The following WNK1 variants were observed in gnomAD, a reference collection of about 807,000 sequenced individuals.
The protein encoded by WNK1 is serine/threonine-protein kinase WNK1.
A neutral mutation model predicts 222.8 loss-of-function variants in WNK1; 38 were observed. The observed-to-expected ratio is 0.17, with a 90% CI of 0.13 to 0.22. WNK1 has a LOEUF of 0.22. Among genes scored for constraint, WNK1 ranks in the 10% least tolerant of loss-of-function variants. The pLI, the probability that WNK1 is intolerant of heterozygous loss-of-function variation, is 1.00. For synonymous variants in WNK1, 1,090 were observed against 1,092.9 expected (o/e 1.00, Z 0.05); for missense variants, 2,348 against 2,918.4 (o/e 0.80, Z 4.50).
chr12:876,131 G>A (rs1952584105), intron 9 of WNK1, among the ~76,000 whole-genome samples: 4 of 152,106 alleles, frequency 2.6e-5, no homozygotes, highest in South Asian at 2.1e-4. Flanking sequence ...ATCAGAGGCC[G>A]GGGCGCGGTG....
chr12:859,841 G>A (rs898792653), intron 6 of WNK1, among the ~76,000 whole-genome samples: 2 of 151,518 alleles, frequency 1.3e-5, no homozygotes, highest in Non-Finnish European at 2.9e-5. Context: ...TTAGCCTGCC[G>A]AGAAGCTGGG....
At chr12:793,503 A>G (rs901569115) in intron 1 of WNK1, among the ~76,000 whole-genome samples, 2 of 152,178 alleles carry the variant, frequency 1.3e-5, no homozygotes, top group Non-Finnish European at 2.9e-5. Context: ...CCAAATGAAA[A>G]GACAGGTTGA....
rs367824180 is a variant in WNK1 at position 896,739 on chromosome 12, A to C, written c.6245+7A>C. 6.2e-7 allele frequency: 1 copy of C among 1,609,190 alleles called. No individual in the cohort carries two copies. Among genetic ancestry groups the C allele is most frequent in the Non-Finnish European group, 8.5e-7 (1 of 1,179,430 alleles). ...TGCGACGACTACGAGATAAGTAAGTATATTTTCTCTTGTGAAAGAATGTCA... is the reference window on the plus strand; with the variant it reads ...TGCGACGACTACGAGATAAGTAAGTCTATTTTCTCTTGTGAAAGAATGTCA... On this transcript the variant is annotated splice_region_variant and intron_variant, in intron 24 of 27. Transcript: ENST00000315939.
At chr12:862,446 A>G (rs1315620489) in intron 8 of WNK1, among the ~76,000 whole-genome samples, 176 bp downstream of exon 8, 1 of 152,258 alleles carries the variant, frequency 6.6e-6, no homozygotes, top group Non-Finnish European at 1.5e-5. Context: ...TGTGGGCATT[A>G]GCTGAACTGC....
chr12:831,081 G>A (rs1426056888), intron 4 of WNK1, among the ~76,000 whole-genome samples: 1 of 152,126 alleles, frequency 6.6e-6, no homozygotes, highest in Non-Finnish European at 1.5e-5. Flanking sequence ...ATTTCTGTAA[G>A]GAGAAGTTTA....
chr12:886,918 A>G (rs1953713184), intron 19 of WNK1, among the ~76,000 whole-genome samples: 1 of 152,194 alleles, frequency 6.6e-6, no homozygotes, highest in Admixed American at 6.5e-5. Flanking sequence ...GTAGCTCAAG[A>G]ATATCTGGAC....
intron 1 of WNK1, among the ~76,000 whole-genome samples, chr12:761,771 T>C (rs1301238217): frequency 6.8e-6 from 1 of 147,862 alleles, no homozygotes; most frequent in Non-Finnish European, 1.5e-5. Flanking sequence ...TCTCCTTCCA[T>C]GGACTGGTAG....
intron 4 of WNK1, among the ~76,000 whole-genome samples, chr12:831,348 G>A (rs1052608264): frequency 6.6e-6 from 1 of 151,958 alleles, no homozygotes; most frequent in African/African-American, 2.4e-5. Flanking sequence ...GACTAGACTG[G>A]CCAACATGGT....
chr12:883,213 T>G (rs1251009468), intron 15 of WNK1, among the ~76,000 whole-genome samples, 154 bp downstream of exon 15: 1 of 152,250 alleles, frequency 6.6e-6, no homozygotes, highest in Non-Finnish European at 1.5e-5. Flanking sequence ...ACCTGTGATT[T>G]AGTGATGTTT....
intron 1 of WNK1, among the ~76,000 whole-genome samples, chr12:767,275 C>T (rs1260773488): frequency 1.1e-5 from 1 of 92,052 alleles, no homozygotes; most frequent in East Asian, 3.2e-4. Context: ...TTTTTGGAGA[C>T]AGAGTCTTGC....
chr12:789,250 C>G (rs1944613145), intron 1 of WNK1, among the ~76,000 whole-genome samples: 1 of 152,150 alleles, frequency 6.6e-6, no homozygotes, highest in South Asian at 2.1e-4. Context: ...GTAAAAGTTA[C>G]AGTCTGAAGT....
At chr12:789,963 A>G (rs1046265002) in intron 1 of WNK1, among the ~76,000 whole-genome samples, 6 of 152,222 alleles carry the variant, frequency 3.9e-5, no homozygotes, top group African/African-American at 7.2e-5. Context: ...GTCTAGATCA[A>G]ATACTGAAAA....
At chr12:814,187 G>T (rs1947141180) in intron 2 of WNK1, among the ~76,000 whole-genome samples, 1 of 151,914 alleles carries the variant, frequency 6.6e-6, no homozygotes, top group African/African-American at 2.4e-5. Flanking sequence ...AAATTAGCCG[G>T]GCATGGTGGC....
intron 1 of WNK1, among the ~76,000 whole-genome samples, chr12:761,454 A>G (rs768450587): frequency 6.8e-6 from 1 of 148,044 alleles, no homozygotes; most frequent in African/African-American, 2.4e-5. Context: ...TGTTGTAATC[A>G]TCATACTCAG....
At position 864,100 on chromosome 12, in the gene WNK1, AT is replaced by A. The variant is rs1000967463; in HGVS notation, c.2139+1837del. ...GCCATATTAAACCCTGTGCCTGAAC[AT>A]TTTTTTAAGTTTTTTTTTTTTTTTT... On this transcript the variant is annotated intron_variant, in intron 8 of 27. Coordinates refer to ENST00000315939, the MANE Select transcript of WNK1 (RefSeq NM_018979.4). 5.6e-5 allele frequency among the ~76,000 whole-genome samples: 8 copies of A among 142,042 alleles called. No individual in the cohort carries two copies. The East Asian group carries it at 1.6e-3, about 28-fold the overall frequency. The allele number at this position is 142,042 out of a possible 152,430, so 93.2% of individuals were successfully genotyped here.
chr12:867,646 T>C, intron 8 of WNK1: 2 of 555,208 alleles, frequency 3.6e-6, no homozygotes, highest in East Asian at 6.1e-5. Context: ...AAGCAGCTCT[T>C]ATCTAAAGCA....
intron 4 of WNK1, among the ~76,000 whole-genome samples, chr12:851,944 A>G (rs542794268): frequency 6.6e-6 from 1 of 152,246 alleles, no homozygotes; most frequent in South Asian, 2.1e-4. Context: ...AATTTAGTGA[A>G]TTTATGGTGT....
chr12:858,240 AGT>A (rs1447704353), intron 5 of WNK1, among the ~76,000 whole-genome samples: 1 of 149,014 alleles, frequency 6.7e-6, no homozygotes, highest in African/African-American at 2.5e-5. Context: ...CCTAGGCTGG[AGT>A]ACAGTGGCAT....
intron 4 of WNK1, among the ~76,000 whole-genome samples, chr12:840,902 T>A (rs769479521): frequency 3.9e-5 from 6 of 152,242 alleles, no homozygotes; most frequent in Non-Finnish European, 8.8e-5. Context: ...AGAGTAGAAC[T>A]AAAACTTTAA....
Sources: gnomAD v4.1 joint callset for allele counts (sites outside exome capture counted in the v4.1 genomes callset) on GRCh38, gnomAD v4.1.1 for gene constraint, MANE v1.5 for transcripts, NCBI Gene and HGNC (gene_info 2026-07-23, HGNC 2026-07-21) for gene names.